RND3: variants seen among roughly 807,000 people sequenced by gnomAD.
RND3 encodes Rho family GTPase 3, also known as rho-related GTP-binding protein RhoE.
Under a neutral mutation model 26.5 loss-of-function variants are expected in RND3, and 8 were observed. That is an observed-to-expected ratio of 0.30 (90% CI 0.18 to 0.54). The LOEUF (loss-of-function observed/expected upper bound fraction) is 0.54. Ranked by LOEUF, RND3 falls within the 20% of genes least tolerant of loss-of-function variation. The pLI, the probability that RND3 is intolerant of heterozygous loss-of-function variation, is 0.94. For synonymous variants in RND3, 113 were observed against 113.0 expected, an observed-to-expected ratio of 1.00 and a Z score of 0.00; for missense variants, 207 against 302.8, an observed-to-expected ratio of 0.68 and a Z score of 2.35.
At position 150,486,861 on chromosome 2, in the gene RND3, C is replaced by T. The variant is rs1304236670; in HGVS notation, c.151-80G>A. The T allele has an allele frequency of 7.4e-6, 7 of 940,818 alleles. No individual in the cohort carries two copies. The highest frequency in any genetic ancestry group is 6.8e-5 in the Admixed American group (4 of 59,138). 58.3% of individuals were successfully genotyped at this position (940,818 alleles called of 1,614,324 possible). A position where few individuals can be genotyped will look rare whatever the true frequency, so the allele number is the denominator to read the frequency against. ...TAAACGCACGACACCCATTGAACAC[C>T]CTTCCCCTCCCCGCTCCCCAGTTAA... On this transcript the variant is annotated intron_variant, in intron 2 of 5. Coordinates refer to ENST00000263895, the MANE Select transcript of RND3 (RefSeq NM_005168.5). This position sits in a 1 kb window ranked among gnomAD's most constrained non-coding sequence, Gnocchi z 4.5.
intron 5 of RND3, 82 bp downstream of exon 5, chr2:150,471,545 T>G: frequency 8.1e-7 from 1 of 1,230,282 alleles, no homozygotes; most frequent in East Asian, 2.5e-5. Flanking sequence ...AGCAGCTACT[T>G]TTTATTTTAT....
chr2:150,487,155 T>TC (rs1686387795), intron 2 of RND3, 113 bp downstream of exon 2: 1 of 804,204 alleles, frequency 1.2e-6, no homozygotes, highest in Non-Finnish European at 1.8e-6. Context: ...AAGACTTTTT[T>TC]TTTTCTTTTT....
Position 150,486,946 on chromosome 2 carries a change from C to T in RND3, c.151-165G>A, listed in dbSNP as rs1045592987. On this transcript the variant is annotated intron_variant, in intron 2 of 5. Coordinates refer to ENST00000263895, the MANE Select transcript of RND3 (RefSeq NM_005168.5). This position sits in a 1 kb window ranked among gnomAD's most constrained non-coding sequence, Gnocchi z 4.5. The stretch of plus-strand genomic sequence containing the variant: ...AGCACATGGACCCTTTCCGAAACCC[C>T]TGTCCTACTCCCCACTCACCCCACC... 3.1e-6 allele frequency: 2 copies of T among 653,058 alleles called. No individual in the cohort carries two copies. Among genetic ancestry groups the T allele is most frequent in the Non-Finnish European group, 5.5e-6 (2 of 361,146 alleles). The allele number at this position is 653,058 out of a possible 1,614,324, so 40.5% of individuals were successfully genotyped here.
chr2:150,487,468 A>ATATATATAT lies in RND3; in HGVS notation c.-38-14_-38-13insATATATATA. On this transcript the variant is annotated splice_polypyrimidine_tract_variant and intron_variant, in intron 1 of 5. Coordinates refer to ENST00000263895, the MANE Select transcript of RND3 (RefSeq NM_005168.5). ...ACAGGAATTTTCTCTTAAGAAGAAA[A>ATATATATAT]AAAAAAATATATATATATATATATA... 1 of 426,880 alleles carries ATATATATAT rather than the reference A, an allele frequency of 2.3e-6. No homozygotes were observed. Among genetic ancestry groups the ATATATATAT allele is most frequent in the Non-Finnish European group, 3.2e-6 (1 of 309,552 alleles). 26.4% of individuals were successfully genotyped at this position (426,880 alleles called of 1,614,324 possible).
chr2:150,482,085 T>C (rs1270052233), intron 3 of RND3, among the ~76,000 whole-genome samples: 1 of 152,224 alleles, frequency 6.6e-6, no homozygotes, highest in African/African-American at 2.4e-5. Flanking sequence ...AAAAGAAACT[T>C]GGATCATGAC....
chr2:150,487,474 A>AAAAATATATATATATATATATAT lies in RND3; in HGVS notation c.-38-20_-38-19insATATATATATATATATATATTTT. 43 of 200,782 alleles carry AAAAATATATATATATATATATAT rather than the reference A, an allele frequency of 2.1e-4. No individual in the cohort carries two copies. Among genetic ancestry groups the AAAAATATATATATATATATATAT allele is most frequent in the South Asian group, 8.9e-4 (6 of 6,750 alleles). 12.4% of individuals were successfully genotyped at this position (200,782 alleles called of 1,614,324 possible). Reference sequence around the variant, plus strand: ...ATTTTCTCTTAAGAAGAAAAAAAAAAATATATATATATATATATATTTCTC... The same window carrying AAAAATATATATATATATATATAT: ...ATTTTCTCTTAAGAAGAAAAAAAAAAAAAATATATATATATATATATATATATATATATATATATATATTTCTC... On this transcript the variant is annotated intron_variant, in intron 1 of 5. Transcript: ENST00000263895.
At chr2:150,481,355 T>C (rs533167503) in intron 3 of RND3, among the ~76,000 whole-genome samples, 2 of 152,280 alleles carry the variant, frequency 1.3e-5, no homozygotes, top group East Asian at 3.9e-4. Context: ...CCTCTGTTTG[T>C]CCTGTGGGTA....
chr2:150,485,454 G>C (rs542666681), intron 3 of RND3: 9 of 152,474 alleles, frequency 5.9e-5, no homozygotes, highest in East Asian at 3.9e-4. Flanking sequence ...GCTCCACCTC[G>C]GGGCCTCCCC....
chr2:150,474,797 T>G, intron 4 of RND3, 78 bp downstream of exon 4: 1 of 808,086 alleles, frequency 1.2e-6, no homozygotes, highest in South Asian at 1.6e-5. Flanking sequence ...TTAGAGTCTT[T>G]GAGCTTCCCA....
rs765035010 is a variant in RND3, at chr2:150,470,148, C to T, written c.574G>A (p.Val192Ile). 1.0e-4 allele frequency: 169 copies of T among 1,613,780 alleles called. No individual in the cohort carries two copies. The highest frequency in any genetic ancestry group is 1.4e-4 in the Non-Finnish European group (162 of 1,179,916). The change falls in exon 6 of 6, where the codon GTT becomes ATT. Residue 192 changes from valine to isoleucine, a missense_variant. By Grantham distance (29) the Val-to-Ile change is conservative. Coordinates refer to ENST00000263895, the MANE Select transcript of RND3 (RefSeq NM_005168.5). ...TTATTTACACATGCCAAGGTGGCAACGTGAAAAATGTCTCTGACGCTATTT... is the reference window on the plus strand; with the variant it reads ...TTATTTACACATGCCAAGGTGGCAATGTGAAAAATGTCTCTGACGCTATTT... The part of the protein sequence containing the change: ...SENSVRDIFH[V>I]ATLACVNKTN...
chr2:150,470,691 G>C (rs1290751649), intron 5 of RND3, among the ~76,000 whole-genome samples: 4 of 152,162 alleles, frequency 2.6e-5, no homozygotes, highest in Non-Finnish European at 5.9e-5. Context: ...AAGCTTACTA[G>C]TGAAGTAAGT....
Position 150,487,474 on chromosome 2 carries a change from A to AAAAAATATAT in RND3, c.-38-20_-38-19insATATATTTTT. The AAAAAATATAT allele has an allele frequency of 8.2e-4, 165 of 200,792 alleles. 1 individual carries two copies. Among genetic ancestry groups the AAAAAATATAT allele is most frequent in the African/African-American group, 4.3e-3 (157 of 36,644 alleles). The allele number at this position is 200,792 out of a possible 1,614,324, so 12.4% of individuals were successfully genotyped here. ...ATTTTCTCTTAAGAAGAAAAAAAAA[A>AAAAAATATAT]ATATATATATATATATATATTTCTC... is the stretch of plus-strand genomic sequence containing the variant. On this transcript the variant is annotated intron_variant, in intron 1 of 5. Coordinates refer to ENST00000263895, the MANE Select transcript of RND3 (RefSeq NM_005168.5).
rs761376899 is a variant in RND3, at chr2:150,486,645, C to T, written c.238+49G>A. On this transcript the variant is annotated intron_variant, in intron 3 of 5. Transcript: ENST00000263895. The surrounding 1 kb of genome is among the most constrained non-coding windows in gnomAD (Gnocchi z 4.5). ...TTCCCGAGACCCGCCGCGCATCCCCCAGCGACTGGAAACCCGCCCCAAGCG... is the reference window on the plus strand; with the variant it reads ...TTCCCGAGACCCGCCGCGCATCCCCTAGCGACTGGAAACCCGCCCCAAGCG... 2.0e-5 allele frequency: 27 copies of T among 1,325,044 alleles called. No individual in the cohort carries two copies. The highest frequency in any genetic ancestry group is 2.7e-5 in the Non-Finnish European group (25 of 916,370). The allele number at this position is 1,325,044 out of a possible 1,614,324, so 82.1% of individuals were successfully genotyped here.
intron 5 of RND3, among the ~76,000 whole-genome samples, chr2:150,470,625 A>C (rs1353807242): frequency 6.6e-6 from 1 of 152,198 alleles, no homozygotes; most frequent in Middle Eastern, 3.2e-3. Context: ...TGCAAGCAAG[A>C]GTTAACTGGT....
rs933246390 is a variant in RND3 at position 150,486,283 on chromosome 2, C to A, written c.238+411G>T. ...ATCACCCCCGCGGCGCTCCCCGCCT[C>A]CCCGCCAACCAGCAGGTTAGATCTA... On this transcript the variant is annotated intron_variant, in intron 3 of 5. Coordinates refer to ENST00000263895, the MANE Select transcript of RND3 (RefSeq NM_005168.5). The surrounding 1 kb of genome is among the most constrained non-coding windows in gnomAD (Gnocchi z 4.5). Among the ~76,000 whole-genome samples, 1 of 152,234 alleles carries A rather than the reference C, an allele frequency of 6.6e-6. No individual in the cohort carries two copies. The highest frequency in any genetic ancestry group is 1.5e-5 in the Non-Finnish European group (1 of 68,044).
intron 5 of RND3, among the ~76,000 whole-genome samples, chr2:150,471,329 G>A (rs1371330851): frequency 1.3e-5 from 2 of 152,146 alleles, no homozygotes; most frequent in Admixed American, 6.6e-5. Flanking sequence ...ACTGCCGACT[G>A]TAAAATCAGA....
At chr2:150,475,728 A>C (rs1400878558) in intron 3 of RND3, among the ~76,000 whole-genome samples, 1 of 152,076 alleles carries the variant, frequency 6.6e-6, no homozygotes, top group Non-Finnish European at 1.5e-5. Context: ...CCCTATATAG[A>C]TTTTCTTCCT....
Position 150,469,902 on chromosome 2 carries a change from G to C in RND3, c.*85C>G, listed in dbSNP as rs561534465. Reference sequence around the variant, plus strand: ...GCCTCTGGTATACATGACTTTGGCTGTGCACTTCATTTAGACTTCACCTTT... The same window carrying C: ...GCCTCTGGTATACATGACTTTGGCTCTGCACTTCATTTAGACTTCACCTTT... On this transcript the variant is annotated 3_prime_UTR_variant, in exon 6 of 6. Coordinates refer to ENST00000263895, the MANE Select transcript of RND3 (RefSeq NM_005168.5). The C allele has an allele frequency of 2.7e-6, 4 of 1,499,806 alleles. No individual in the cohort carries two copies. In the African/African-American group the frequency reaches 4.2e-5, roughly 16 times the overall value. The allele number at this position is 1,499,806 out of a possible 1,614,324, so 92.9% of individuals were successfully genotyped here.
chr2:150,480,071 TA>T (rs34635936), intron 3 of RND3, among the ~76,000 whole-genome samples: 1 of 152,320 alleles, frequency 6.6e-6, no homozygotes, highest in Admixed American at 6.5e-5. Flanking sequence ...TTGAGGTACT[TA>T]AAAATATGTA....
Sources: allele counts gnomAD v4.1 joint callset (sites outside exome capture counted in the v4.1 genomes callset), GRCh38; gene constraint gnomAD v4.1.1; non-coding constraint Gnocchi (gnomAD v3.1); transcripts MANE v1.5; gene names NCBI Gene and HGNC (gene_info 2026-07-23, HGNC 2026-07-21).